SYNPR: variants seen among roughly 807,000 people sequenced by gnomAD.
SYNPR encodes the protein synaptoporin.
SYNPR carries 23 observed loss-of-function variants against 32.9 expected under a neutral mutation model. The observed-to-expected ratio is 0.70, with a 90% CI of 0.50 to 0.99. SYNPR has a LOEUF of 0.99. SYNPR is among the 50% of genes least tolerant of loss of function. SYNPR has a pLI of 0.00. For missense variants in SYNPR, 318 were observed against 349.3 expected, an observed-to-expected ratio of 0.91 and a Z score of 0.71; for synonymous variants, 146 against 135.9, an observed-to-expected ratio of 1.07 and a Z score of -0.52.
intron 3 of SYNPR, among the ~76,000 whole-genome samples, chr3:63,482,497 T>C (rs1160617804): frequency 1.3e-5 from 2 of 152,274 alleles, no homozygotes; most frequent in Non-Finnish European, 1.5e-5. Context: ...ACCTTCTCCC[T>C]GCCACACACC....
At chr3:63,364,667 TC>T (rs2087707983) in intron 2 of SYNPR, among the ~76,000 whole-genome samples, 1 of 152,214 alleles carries the variant, frequency 6.6e-6, no homozygotes, top group Admixed American at 6.5e-5. Flanking sequence ...CTGTCCTTGG[TC>T]CTGACCTATT....
chr3:63,256,011 A>G (rs1336281975), intron 2 of SYNPR, among the ~76,000 whole-genome samples: 1 of 152,178 alleles, frequency 6.6e-6, no homozygotes, highest in African/African-American at 2.4e-5. Flanking sequence ...AGGCAGCAGC[A>G]AGGCTGGGGG....
intron 1 of SYNPR, among the ~76,000 whole-genome samples, chr3:63,232,219 T>TTTTTTTTG (rs869164802): frequency 8.8e-6 from 1 of 113,906 alleles, no homozygotes; most frequent in Non-Finnish European, 1.9e-5. Context: ...TTTTTTTTTT[T>TTTTTTTTG]GAGACAGAGT....
intron 3 of SYNPR, among the ~76,000 whole-genome samples, chr3:63,510,944 T>G (rs549727933): frequency 2.3e-4 from 34 of 147,224 alleles, no homozygotes; most frequent in African/African-American, 8.2e-4. Flanking sequence ...TGCGCGCACG[T>G]TGTGTGTGTG....
chr3:63,335,623 C>T (rs1482050679), intron 2 of SYNPR, among the ~76,000 whole-genome samples: 2 of 152,080 alleles, frequency 1.3e-5, no homozygotes, highest in African/African-American at 2.4e-5. Flanking sequence ...CCAAGGTATT[C>T]GCTTGGCATA....
chr3:63,292,038 G>C (rs1280870309), intron 2 of SYNPR, among the ~76,000 whole-genome samples: 1 of 152,158 alleles, frequency 6.6e-6, no homozygotes, highest in African/African-American at 2.4e-5. Flanking sequence ...TGTACAGCAT[G>C]TGACTGTACT....
chr3:63,281,613 C>A (rs1258911396), intron 2 of SYNPR, among the ~76,000 whole-genome samples: 1 of 152,092 alleles, frequency 6.6e-6, no homozygotes, highest in Non-Finnish European at 1.5e-5. Context: ...TCTCGTCTGT[C>A]CCTTATAAGA....
At position 63,303,849 on chromosome 3, in the gene SYNPR, A is replaced by G. The variant is rs562952953; in HGVS notation, c.84+25107A>G. ...TTTTCTTAAAAGCTACATCATTGGT[A>G]TTGCCAGTTCTTCTCCCATAGAGCG... On this transcript the variant is annotated intron_variant, in intron 2 of 5. Transcript: ENST00000478300. Among the ~76,000 whole-genome samples, 18 of 152,128 alleles carry G rather than the reference A, an allele frequency of 1.2e-4. 1 individual carries two copies. The South Asian group carries it at 3.7e-3, about 32-fold the overall frequency.
intron 2 of SYNPR, among the ~76,000 whole-genome samples, chr3:63,388,817 A>G (rs757895523): frequency 3.3e-5 from 5 of 152,092 alleles, no homozygotes; most frequent in African/African-American, 7.2e-5. Context: ...AGAAATTATT[A>G]GATTTATACC....
At chr3:63,402,394 C>A (rs2088304457) in intron 2 of SYNPR, among the ~76,000 whole-genome samples, 1 of 152,160 alleles carries the variant, frequency 6.6e-6, no homozygotes, top group Admixed American at 6.5e-5. Flanking sequence ...TGATAAAAAT[C>A]AGAGGATAGA....
At chr3:63,536,709 T>C (rs1469373017) in intron 3 of SYNPR, among the ~76,000 whole-genome samples, 1 of 152,122 alleles carries the variant, frequency 6.6e-6, no homozygotes, top group Non-Finnish European at 1.5e-5. Flanking sequence ...TAGCTCAAAA[T>C]GGAAACAACT....
intron 4 of SYNPR, among the ~76,000 whole-genome samples, chr3:63,596,105 A>T (rs1203545243): frequency 1.3e-5 from 2 of 149,940 alleles, no homozygotes. Context: ...TTAACTCGTC[A>T]TTTAGCATTA....
At chr3:63,464,150 C>T (rs1054876641) in intron 2 of SYNPR, among the ~76,000 whole-genome samples, 9 of 152,152 alleles carry the variant, frequency 5.9e-5, no homozygotes, top group Non-Finnish European at 1.3e-4. Flanking sequence ...TGCTCTGATG[C>T]TAGTTCTGTC....
intron 1 of SYNPR, among the ~76,000 whole-genome samples, chr3:63,241,917 T>C (rs888017762): frequency 1.3e-5 from 2 of 152,088 alleles, no homozygotes; most frequent in African/African-American, 4.8e-5. Flanking sequence ...GGATTCATAA[T>C]CAGCTAAAAG....
intron 3 of SYNPR, among the ~76,000 whole-genome samples, chr3:63,509,926 T>G (rs71298658): frequency 6.6e-6 from 1 of 151,848 alleles, no homozygotes; most frequent in Non-Finnish European, 1.5e-5. Context: ...ATAGAATTCT[T>G]TCTTCTCTCC....
upstream of SYNPR, among the ~76,000 whole-genome samples, chr3:63,225,599 G>C (rs1292771713): frequency 6.6e-6 from 1 of 152,168 alleles, no homozygotes; most frequent in Non-Finnish European, 1.5e-5. Context: ...GGAAGGGAAA[G>C]AAGTAGGATT....
intron 2 of SYNPR, among the ~76,000 whole-genome samples, chr3:63,391,553 A>C (rs1439353624): frequency 6.6e-6 from 1 of 152,236 alleles, no homozygotes; most frequent in Admixed American, 6.5e-5. Flanking sequence ...TGTGCCACAC[A>C]CACAAAATAT....
chr3:63,313,587 C>T (rs555614598), intron 2 of SYNPR, among the ~76,000 whole-genome samples: 14 of 144,486 alleles, frequency 9.7e-5, no homozygotes, highest in South Asian at 2.2e-4. Flanking sequence ...TGTGTATGTG[C>T]GTACATATAT....
chr3:63,320,712 C>T (rs1003912627), intron 2 of SYNPR, among the ~76,000 whole-genome samples: 3 of 151,946 alleles, frequency 2.0e-5, no homozygotes, highest in Non-Finnish European at 2.9e-5. Flanking sequence ...CCTAACAGTT[C>T]GTTTGTACAT....
Sources: gnomAD v4.1 joint callset for allele counts (sites outside exome capture counted in the v4.1 genomes callset) on GRCh38, gnomAD v4.1.1 for gene constraint, MANE v1.5 for transcripts, NCBI Gene and HGNC (gene_info 2026-07-23, HGNC 2026-07-21) for gene names.